KCNIP4: variants seen among roughly 807,000 people sequenced by gnomAD.
The protein encoded by KCNIP4 is potassium voltage-gated channel interacting protein 4.
A neutral mutation model predicts 34.0 loss-of-function variants in KCNIP4; 12 were observed. The ratio of observed to expected loss-of-function variants is 0.35; its 90% CI spans 0.23 to 0.57. KCNIP4 has a LOEUF of 0.57. Among genes scored for constraint, KCNIP4 ranks in the 20% least tolerant of loss-of-function variants. The probability of loss-of-function intolerance (pLI) is 0.83; values close to 1 mark genes in which losing one functional copy is unlikely to be tolerated. For synonymous variants in KCNIP4, 124 were observed against 102.2 expected, an observed-to-expected ratio of 1.21 and a Z score of -1.29; for missense variants, 238 against 311.7, an observed-to-expected ratio of 0.76 and a Z score of 1.78.
chr4:21,501,223 TTCTC>T (rs764384677), intron 1 of KCNIP4, among the ~76,000 whole-genome samples: 6,346 of 142,418 alleles, frequency 0.045, 217 homozygotes, highest in Middle Eastern at 0.14. Context: ...TCAACTGCCT[TTCTC>T]TCTCTCTCTC....
intron 1 of KCNIP4, among the ~76,000 whole-genome samples, chr4:20,941,479 G>A (rs532846227): frequency 9.2e-5 from 14 of 152,148 alleles, no homozygotes; most frequent in Non-Finnish European, 1.8e-4. Flanking sequence ...CATTCTGGTG[G>A]TGCCAAAGGA....
chr4:21,238,585 A>C (rs997640457), intron 1 of KCNIP4, among the ~76,000 whole-genome samples: 14 of 152,186 alleles, frequency 9.2e-5, no homozygotes, highest in African/African-American at 3.4e-4. Flanking sequence ...ATACACCAAT[A>C]ACAGACAAAC....
intron 1 of KCNIP4, among the ~76,000 whole-genome samples, chr4:21,139,696 GAA>G (rs1183811334): frequency 6.6e-6 from 1 of 151,748 alleles, no homozygotes; most frequent in Non-Finnish European, 1.5e-5. Context: ...CTTTGAAAGT[GAA>G]ACACAGCTCA....
chr4:20,730,477 C>G (rs941126091), intron 8 of KCNIP4, among the ~76,000 whole-genome samples: 1 of 151,838 alleles, frequency 6.6e-6, no homozygotes, highest in East Asian at 1.9e-4. Flanking sequence ...TTTTGGCATT[C>G]TATGTAGATC....
chr4:21,045,549 G>A (rs1202357508), intron 1 of KCNIP4, among the ~76,000 whole-genome samples: 1 of 152,130 alleles, frequency 6.6e-6, no homozygotes, highest in Non-Finnish European at 1.5e-5. Flanking sequence ...AAGAGTCAAA[G>A]ACAAAATTGC....
intron 1 of KCNIP4, among the ~76,000 whole-genome samples, chr4:21,525,735 G>A (rs1457717921): frequency 6.6e-6 from 1 of 152,034 alleles, no homozygotes; most frequent in Non-Finnish European, 1.5e-5. Context: ...AGAAATTATA[G>A]ATTATTATTC....
chr4:21,571,672 G>A (rs1229705014), intron 1 of KCNIP4, among the ~76,000 whole-genome samples: 3 of 152,122 alleles, frequency 2.0e-5, no homozygotes, highest in Non-Finnish European at 2.9e-5. Flanking sequence ...AACTCATCTG[G>A]CTTGCAGAAG....
At chr4:21,247,863 T>TACACAC (rs1433737493) in intron 1 of KCNIP4, among the ~76,000 whole-genome samples, 20 of 121,948 alleles carry the variant, frequency 1.6e-4, no homozygotes, top group African/African-American at 8.0e-4. Context: ...TATATATATA[T>TACACAC]ATACACACAC....
At chr4:20,944,595 T>C (rs1214222363) in intron 1 of KCNIP4, among the ~76,000 whole-genome samples, 1 of 152,218 alleles carries the variant, frequency 6.6e-6, no homozygotes, top group African/African-American at 2.4e-5. Flanking sequence ...CCCACTGTGA[T>C]GAGGCTCTGC....
Position 21,727,687 on chromosome 4 carries a change from G to A in KCNIP4, c.61+220884C>T, listed in dbSNP as rs113098306. Among the ~76,000 whole-genome samples, 1,330 of 151,936 alleles carry A rather than the reference G, an allele frequency of 8.8e-3. 19 individuals carry two copies. Among genetic ancestry groups the A allele is most frequent in the South Asian group, 0.039 (186 of 4,802 alleles). On this transcript the variant is annotated intron_variant, in intron 1 of 8. Transcript: ENST00000382152. The stretch of plus-strand genomic sequence containing the variant: ...TTACTAAAAATACAAAAATTATCCG[G>A]GTATAGTGGTGCTCACCTGTAATCC...
chr4:21,216,477 C>T (rs1245676360), intron 1 of KCNIP4, among the ~76,000 whole-genome samples: 1 of 152,182 alleles, frequency 6.6e-6, no homozygotes, highest in Non-Finnish European at 1.5e-5. Flanking sequence ...ACCCTGTCTA[C>T]ATAATAGGTA....
chr4:21,806,725 CAT>C (rs1721321062), intron 1 of KCNIP4, among the ~76,000 whole-genome samples: 1 of 151,910 alleles, frequency 6.6e-6, no homozygotes, highest in Admixed American at 6.6e-5. Context: ...AAAGGGAAAA[CAT>C]ATGAGAAGTA....
intron 1 of KCNIP4, among the ~76,000 whole-genome samples, chr4:21,032,137 C>T (rs1741079735): frequency 6.6e-6 from 1 of 152,086 alleles, no homozygotes; most frequent in African/African-American, 2.4e-5. Flanking sequence ...TAACTGTCCT[C>T]CTGGAAACTT....
At chr4:21,610,847 C>A (rs1310526610) in intron 1 of KCNIP4, among the ~76,000 whole-genome samples, 1 of 151,888 alleles carries the variant, frequency 6.6e-6, no homozygotes, top group African/African-American at 2.4e-5. Flanking sequence ...ACTTTAAGCT[C>A]TGGAGTACAT....
At chr4:21,494,121 A>C (rs1040452884) in intron 1 of KCNIP4, among the ~76,000 whole-genome samples, 4 of 152,148 alleles carry the variant, frequency 2.6e-5, no homozygotes, top group Non-Finnish European at 5.9e-5. Flanking sequence ...GTCATCAAAC[A>C]CCTTGTCAGT....
At chr4:21,304,096 AGAGAGAGAGAGACAGAG>A (rs1712138027) in intron 1 of KCNIP4, 3 of 565,842 alleles carry the variant, frequency 5.3e-6, no homozygotes, top group Admixed American at 8.1e-5. Context: ...ACAGAGAGAG[AGAGAGAGAGAGACAGAG>A]GAGAGAGAGG....
intron 1 of KCNIP4, among the ~76,000 whole-genome samples, chr4:21,620,290 T>A (rs1193638748): frequency 6.6e-6 from 1 of 152,038 alleles, no homozygotes; most frequent in Admixed American, 6.6e-5. Flanking sequence ...ATCACTTGAG[T>A]CCAGAGTGTG....
chr4:21,069,195 A>G (rs1744675165), intron 1 of KCNIP4, among the ~76,000 whole-genome samples: 1 of 152,106 alleles, frequency 6.6e-6, no homozygotes, highest in African/African-American at 2.4e-5. Flanking sequence ...ATTGACTCAT[A>G]TTACACCTAA....
intron 3 of KCNIP4, among the ~76,000 whole-genome samples, chr4:20,762,921 A>T (rs1231138557): frequency 6.7e-6 from 1 of 148,422 alleles, no homozygotes; most frequent in Non-Finnish European, 1.5e-5. Flanking sequence ...GTGGAAGGCA[A>T]AGGAGAAGGA....
Sources: gnomAD v4.1 joint callset for allele counts (sites outside exome capture counted in the v4.1 genomes callset) on GRCh38, gnomAD v4.1.1 for gene constraint, MANE v1.5 for transcripts, NCBI Gene and HGNC (gene_info 2026-07-23, HGNC 2026-07-21) for gene names.